Variants in GPC6 observed in about 807,000 individuals in gnomAD.
GPC6 encodes glypican 6, also known as glypican-6.
GPC6 carries 14 observed loss-of-function variants against 55.2 expected under a neutral mutation model. That is an observed-to-expected ratio of 0.25 (90% confidence interval 0.17 to 0.40). The LOEUF is 0.40. Among genes scored for constraint, GPC6 ranks in the 10% least tolerant of loss-of-function variants. The probability of loss-of-function intolerance (pLI) is 1.00; values close to 1 mark genes in which losing one functional copy is unlikely to be tolerated. For synonymous variants in GPC6, 278 were observed against 259.6 expected (o/e 1.07, Z -0.68); for missense variants, 641 against 708.5 (o/e 0.90, Z 1.08).
At chr13:93,675,537 C>G (rs569753186) in intron 2 of GPC6, among the ~76,000 whole-genome samples, 12 of 152,040 alleles carry the variant, frequency 7.9e-5, no homozygotes, top group Non-Finnish European at 1.8e-4. Context: ...TCTTCAGATT[C>G]AGCATTTGTT....
chr13:93,629,109 A>T (rs1188026215), intron 2 of GPC6, among the ~76,000 whole-genome samples: 2 of 152,030 alleles, frequency 1.3e-5, no homozygotes. Flanking sequence ...TTTACTTCAA[A>T]TGACTTTTTA....
At chr13:93,422,871 A>G (rs1053816432) in intron 1 of GPC6, among the ~76,000 whole-genome samples, 1 of 152,158 alleles carries the variant, frequency 6.6e-6, no homozygotes. Flanking sequence ...CATGAGAGAG[A>G]GAATATGCTT....
rs182534569 is a variant in GPC6 at position 94,339,668 on chromosome 13, C to G, written c.1152+33545C>G. ...AGCTGAAATGGAGTGAGATGTAGTC[C>G]TTTGGCTCTAAATTTTCTAAGAGGA... On this transcript the variant is annotated intron_variant, in intron 6 of 8. Transcript: ENST00000377047. 5.7e-4 allele frequency among the ~76,000 whole-genome samples: 86 copies of G among 149,974 alleles called. No homozygotes were observed. The South Asian group carries it at 8.4e-3, about 15-fold the overall frequency.
At chr13:94,042,063 T>A (rs979416237) in intron 4 of GPC6, among the ~76,000 whole-genome samples, 1 of 151,832 alleles carries the variant, frequency 6.6e-6, no homozygotes. Context: ...CATGAATGGT[T>A]TAACACCATC....
intron 4 of GPC6, among the ~76,000 whole-genome samples, chr13:94,065,540 A>G (rs554105494): frequency 6.6e-6 from 1 of 152,344 alleles, no homozygotes; most frequent in Non-Finnish European, 1.5e-5. Context: ...AATATTAAAT[A>G]GTGCTGTGAT....
At chr13:94,008,606 C>T (rs955952965) in intron 3 of GPC6, among the ~76,000 whole-genome samples, 6 of 152,120 alleles carry the variant, frequency 3.9e-5, no homozygotes, top group Non-Finnish European at 8.8e-5. Flanking sequence ...GCGCCGAGAT[C>T]ATGCCACTGT....
chr13:93,368,493 A>T (rs1256901915), intron 1 of GPC6, among the ~76,000 whole-genome samples: 1 of 151,820 alleles, frequency 6.6e-6, no homozygotes, highest in Non-Finnish European at 1.5e-5. Context: ...AAAAGGAAGG[A>T]CTTGAAAATT....
At chr13:93,821,988 C>T (rs1004963975) in intron 2 of GPC6, among the ~76,000 whole-genome samples, 2 of 149,816 alleles carry the variant, frequency 1.3e-5, no homozygotes, top group Non-Finnish European at 3.0e-5. Context: ...AATGTAGTCA[C>T]GTATATGTAT....
At chr13:93,431,260 T>G (rs1484063419) in intron 1 of GPC6, among the ~76,000 whole-genome samples, 1 of 152,128 alleles carries the variant, frequency 6.6e-6, no homozygotes, top group Non-Finnish European at 1.5e-5. Flanking sequence ...CTATGCAATT[T>G]ATGGTTTATA....
At chr13:94,286,194 T>G (rs1268141638) in intron 4 of GPC6, among the ~76,000 whole-genome samples, 155 bp from the exon 5 acceptor site, 3 of 152,228 alleles carry the variant, frequency 2.0e-5, no homozygotes, top group Non-Finnish European at 4.4e-5. Flanking sequence ...GTCCTAAGAT[T>G]CAGTCATCTA....
intron 1 of GPC6, among the ~76,000 whole-genome samples, chr13:93,334,095 A>G (rs1436256069): frequency 2.6e-5 from 4 of 152,014 alleles, no homozygotes; most frequent in East Asian, 1.9e-4. Context: ...ATTTATTTCT[A>G]TATAGACAAC....
At chr13:93,635,758 A>G (rs952467618) in intron 2 of GPC6, among the ~76,000 whole-genome samples, 3 of 152,214 alleles carry the variant, frequency 2.0e-5, no homozygotes, top group Non-Finnish European at 4.4e-5. Context: ...TCACAGGGAA[A>G]GCACAGAACA....
intron 3 of GPC6, among the ~76,000 whole-genome samples, chr13:94,026,527 A>G (rs538391078): frequency 2.0e-5 from 3 of 152,156 alleles, no homozygotes; most frequent in East Asian, 3.9e-4. Context: ...AAAATATCAA[A>G]GTGATATGGA....
intron 3 of GPC6, among the ~76,000 whole-genome samples, chr13:93,900,114 T>C (rs1013207866): frequency 6.6e-6 from 1 of 152,132 alleles, no homozygotes; most frequent in South Asian, 2.1e-4. Flanking sequence ...TAAATCTCTC[T>C]TCATTTTGCC....
chr13:94,183,022 T>C (rs946444634), intron 4 of GPC6, among the ~76,000 whole-genome samples: 1 of 152,184 alleles, frequency 6.6e-6, no homozygotes, highest in Admixed American at 6.6e-5. Flanking sequence ...ACACAATCCT[T>C]CTGCCTCAGC....
At position 94,405,142 on chromosome 13, in the gene GPC6, A is replaced by C. The variant is rs1332263266; in HGVS notation, c.*1925A>C. On this transcript the variant is annotated 3_prime_UTR_variant, in exon 9 of 9. Transcript: ENST00000377047. ...TTAAGTATATTTGAGCACTTTTGCA[A>C]GACAGAAAGTATTTACAAGCATCTA... The C allele has an allele frequency of 6.6e-6, 1 of 152,248 alleles. No individual in the cohort carries two copies. Among genetic ancestry groups the C allele is most frequent in the Non-Finnish European group, 1.5e-5 (1 of 68,040 alleles). The allele number at this position is 152,248 out of a possible 1,614,324, so 9.4% of individuals were successfully genotyped here.
intron 3 of GPC6, among the ~76,000 whole-genome samples, chr13:93,968,390 T>A (rs1880141339): frequency 6.6e-6 from 1 of 152,210 alleles, no homozygotes; most frequent in Non-Finnish European, 1.5e-5. Flanking sequence ...TAATTCTGTT[T>A]CTAAGTAATT....
At chr13:93,402,987 G>A (rs1362575991) in intron 1 of GPC6, among the ~76,000 whole-genome samples, 1 of 151,876 alleles carries the variant, frequency 6.6e-6, no homozygotes, top group African/African-American at 2.4e-5. Flanking sequence ...CTTTTAATTA[G>A]GAAAAATACA....
intron 6 of GPC6, among the ~76,000 whole-genome samples, chr13:94,311,133 A>G (rs1330358919): frequency 6.6e-6 from 1 of 152,104 alleles, no homozygotes; most frequent in South Asian, 2.1e-4. Flanking sequence ...GGACAAGAAC[A>G]CTCAGGCTAT....
Sources: allele counts gnomAD v4.1 joint callset (sites outside exome capture counted in the v4.1 genomes callset), GRCh38; gene constraint gnomAD v4.1.1; transcripts MANE v1.5; gene names NCBI Gene and HGNC (gene_info 2026-07-23, HGNC 2026-07-21).